Variants in AHSG observed in about 807,000 individuals in gnomAD.
AHSG encodes the protein alpha 2-HS glycoprotein.
AHSG carries 23 observed loss-of-function variants against 30.1 expected under a neutral mutation model. The ratio of observed to expected loss-of-function variants is 0.76; its 90% confidence interval spans 0.55 to 1.08. The LOEUF (loss-of-function observed/expected upper bound fraction) is 1.08. Ranked by LOEUF, AHSG falls within the 50% of genes least tolerant of loss-of-function variation. The pLI, the probability that AHSG is intolerant of heterozygous loss-of-function variation, is 0.00. For synonymous variants in AHSG, 164 were observed against 186.3 expected, an observed-to-expected ratio of 0.88 and a Z score of 0.98; for missense variants, 469 against 459.5, an observed-to-expected ratio of 1.02 and a Z score of -0.19.
chr3:186,618,284 C>T (rs1485161751), intron 4 of AHSG, among the ~76,000 whole-genome samples: 1 of 152,158 alleles, frequency 6.6e-6, no homozygotes, highest in Non-Finnish European at 1.5e-5. Context: ...TCACCTCCAC[C>T]CTGAAGGACC....
At chr3:186,614,672 T>C (rs1011219095) in intron 1 of AHSG, among the ~76,000 whole-genome samples, 2 of 152,188 alleles carry the variant, frequency 1.3e-5, no homozygotes, top group East Asian at 3.8e-4. Context: ...AGGCAGAGCT[T>C]CAGAGTTGGT....
In AHSG at chr3:186,617,224, C is replaced by T; in HGVS notation, c.447C>T (p.Cys149=). Residue 149 remains cysteine, a synonymous_variant, in exon 4 of 7, where the codon TGC becomes TGT. Transcript: ENST00000411641. ...AEDVRKVCQD[C]PLLAPLNDTR... ...ACGTGCGCAAGGTGTGCCAAGACTG[C>T]CCCCTGCTGGCCCCGCTGAACGACA... is the stretch of plus-strand genomic sequence containing the variant. 1.9e-6 allele frequency: 3 copies of T among 1,613,830 alleles called. No homozygotes were observed. The highest frequency in any genetic ancestry group is 2.5e-6 in the Non-Finnish European group (3 of 1,179,972).
At position 186,621,268 on chromosome 3, in the gene AHSG, T is replaced by C. The variant is rs546037063; in HGVS notation, c.*338T>C. 10 of 259,572 alleles carry C rather than the reference T, an allele frequency of 3.9e-5. No homozygotes were observed. The highest frequency in any genetic ancestry group is 2.2e-4 in the African/African-American group (10 of 46,308). The allele number at this position is 259,572 out of a possible 1,614,324, so 16.1% of individuals were successfully genotyped here. ...TCTTGCTAAGCTTATATGTGCCTGT[T>C]AATGAAAGTGCCTGAAAGACCTTCC... is the stretch of plus-strand genomic sequence containing the variant. On this transcript the variant is annotated 3_prime_UTR_variant, in exon 7 of 7. Coordinates refer to ENST00000411641, the MANE Select transcript of AHSG (RefSeq NM_001622.4).
chr3:186,616,199 AAAT>A (rs776506242), intron 2 of AHSG, among the ~76,000 whole-genome samples: 5 of 152,248 alleles, frequency 3.3e-5, no homozygotes, highest in Non-Finnish European at 4.4e-5. Context: ...CTCTATCTCG[AAAT>A]AATAATAATA....
At position 186,616,828 on chromosome 3, in the gene AHSG, G is replaced by A. The variant is rs976262341; in HGVS notation, c.409+301G>A. ...TCTACTAAAAATACAAAAATGTGGT[G>A]GTGCTCGCCTGTAATCCCAGCTACT... On this transcript the variant is annotated intron_variant, in intron 3 of 6. Coordinates refer to ENST00000411641, the MANE Select transcript of AHSG (RefSeq NM_001622.4). Among the ~76,000 whole-genome samples, 3 of 152,130 alleles carry A rather than the reference G, an allele frequency of 2.0e-5. No individual in the cohort carries two copies. The South Asian group carries it at 6.2e-4, about 32-fold the overall frequency.
chr3:186,619,516 T>C (rs536950338), intron 5 of AHSG, among the ~76,000 whole-genome samples: 1 of 152,238 alleles, frequency 6.6e-6, no homozygotes, highest in African/African-American at 2.4e-5. Context: ...AAAATGCTAT[T>C]ATGGCAAGTG....
rs1012187499 is a variant in AHSG at position 186,620,522 on chromosome 3, C to A, written c.760-64C>A. ...AAATTGGGTGCCAGTGCCACCTGGG[C>A]CTGTGGGTTGTCTTGCCTGGGAGGA... is the stretch of plus-strand genomic sequence containing the variant. On this transcript the variant is annotated intron_variant, in intron 6 of 6. Transcript: ENST00000411641. 4 of 1,419,846 alleles carry A rather than the reference C, an allele frequency of 2.8e-6. No individual in the cohort carries two copies. In the African/African-American group the frequency reaches 5.7e-5, roughly 20 times the overall value. The allele number at this position is 1,419,846 out of a possible 1,614,324, so 88.0% of individuals were successfully genotyped here.
intron 5 of AHSG, 91 bp from the exon 6 acceptor site, chr3:186,619,766 T>C (rs1716419278): frequency 1.9e-6 from 2 of 1,036,542 alleles, no homozygotes; most frequent in Admixed American, 2.4e-5. Context: ...AAAATGGTTT[T>C]TCAAACTAAT....
chr3:186,613,338 T>C lies in AHSG; in HGVS notation c.197T>C (p.Val66Ala), dbSNP rs1003867227. ...YKHTLNQIDE[V>A]KVWPQQPSGE... Reference sequence around the variant, plus strand: ...CACACCTTGAACCAGATTGATGAAGTAAAGGTGTGGCCTCAGGTAAGTGGA... The same window carrying C: ...CACACCTTGAACCAGATTGATGAAGCAAAGGTGTGGCCTCAGGTAAGTGGA... The change falls in exon 1 of 7, where the codon GTA (valine) becomes GCA (alanine). Residue 66 changes from valine to alanine, a missense_variant. Physicochemically the swap from Val to Ala is moderately conservative, Grantham distance 64. Coordinates refer to ENST00000411641, the MANE Select transcript of AHSG (RefSeq NM_001622.4). 20 of 1,613,352 alleles carry C rather than the reference T, an allele frequency of 1.2e-5. No homozygotes were observed. The highest frequency in any genetic ancestry group is 1.6e-5 in the Non-Finnish European group (19 of 1,179,652).
intron 2 of AHSG, among the ~76,000 whole-genome samples, 181 bp downstream of exon 2, chr3:186,615,976 G>T (rs988261005): frequency 6.6e-6 from 1 of 152,150 alleles, no homozygotes; most frequent in African/African-American, 2.4e-5. Flanking sequence ...CAAGTGGATC[G>T]CCTGAGGTCA....
rs373886640 is a variant in AHSG, at chr3:186,617,245, C to A, written c.468C>A (p.Asn156Lys). The change falls in exon 4 of 7, where the codon AAC (asparagine) becomes AAA (lysine). Residue 156 changes from asparagine to lysine, a missense_variant. Physicochemically the swap from Asn to Lys is moderately conservative, Grantham distance 94. Transcript: ENST00000411641. Reference protein sequence around the residue: ...CQDCPLLAPLNDTRVVHAAKA... With the variant: ...CQDCPLLAPLKDTRVVHAAKA... Reference sequence around the variant, plus strand: ...ACTGCCCCCTGCTGGCCCCGCTGAACGACACCAGGGTGGTGCACGCCGCGA... The same window carrying A: ...ACTGCCCCCTGCTGGCCCCGCTGAAAGACACCAGGGTGGTGCACGCCGCGA... 3.7e-6 allele frequency: 6 copies of A among 1,614,068 alleles called. No homozygotes were observed. In the African/African-American group the frequency reaches 4.0e-5, roughly 11 times the overall value.
In AHSG at chr3:186,616,529, T is replaced by G. The variant is rs1195865548; in HGVS notation, c.409+2T>G. The G allele has an allele frequency of 2.5e-6, 4 of 1,603,870 alleles. No homozygotes were observed. In the Admixed American group the frequency reaches 6.8e-5, roughly 27 times the overall value. Reference sequence around the variant, plus strand: ...ACGCAAAATGTGATTCCAGTCCAGGTACAGATGACTATTCTTATTCTCATT... The same window carrying G: ...ACGCAAAATGTGATTCCAGTCCAGGGACAGATGACTATTCTTATTCTCATT... On this transcript the variant is annotated splice_donor_variant, in intron 3 of 6. Coordinates refer to ENST00000411641, the MANE Select transcript of AHSG (RefSeq NM_001622.4). LOFTEE classifies it high-confidence loss of function.
intron 6 of AHSG, among the ~76,000 whole-genome samples, chr3:186,620,377 A>G (rs1350972959): frequency 6.6e-6 from 1 of 152,176 alleles, no homozygotes; most frequent in Admixed American, 6.5e-5. Flanking sequence ...AGACAATCCT[A>G]GTGAGGCCGG....
chr3:186,616,228 A>T (rs1366174876), intron 2 of AHSG, among the ~76,000 whole-genome samples: 1 of 152,186 alleles, frequency 6.6e-6, no homozygotes, highest in Non-Finnish European at 1.5e-5. Flanking sequence ...CATCATCATA[A>T]ATAAAATTGC....
chr3:186,617,980 CA>C (rs1213571050), intron 4 of AHSG: 1 of 162,114 alleles, frequency 6.2e-6, no homozygotes, highest in Non-Finnish European at 1.4e-5. Context: ...AGAACATCCC[CA>C]CCCCAGACTA....
At position 186,618,568 on chromosome 3, in the gene AHSG, A is replaced by G. The variant is rs1716381447; in HGVS notation, c.606A>G (p.Thr202=). Residue 202 remains threonine (T), a synonymous_variant, in exon 5 of 7, where the codon ACA becomes ACG. Coordinates refer to ENST00000411641, the MANE Select transcript of AHSG (RefSeq NM_001622.4). ...PLPPSTYVEF[T]VSGTDCVAKE... is the part of the protein sequence containing the mutation. ...CACCTTCTACCTATGTGGAGTTTAC[A>G]GTGTCTGGCACTGACTGTGTTGCTA... The G allele has an allele frequency of 6.2e-7, 1 of 1,614,100 alleles. No individual in the cohort carries two copies.
At position 186,620,567 on chromosome 3, in the gene AHSG, G is replaced by T. The variant is rs771599564; in HGVS notation, c.760-19G>T. On this transcript the variant is annotated intron_variant, in intron 6 of 6. Transcript: ENST00000411641. Reference sequence around the variant, plus strand: ...GGAGGAGGAAGCAAACTAACTGAAGGAAATGGTCCTTTTTCCAGCCCGTGA... The same window carrying T: ...GGAGGAGGAAGCAAACTAACTGAAGTAAATGGTCCTTTTTCCAGCCCGTGA... 1 of 1,573,648 alleles carries T rather than the reference G, an allele frequency of 6.4e-7. No individual in the cohort carries two copies. The highest frequency in any genetic ancestry group is 8.7e-7 in the Non-Finnish European group (1 of 1,153,788).
intron 4 of AHSG, chr3:186,617,570 C>A: frequency 1.2e-6 from 1 of 809,206 alleles, no homozygotes; most frequent in Non-Finnish European, 1.9e-6. Flanking sequence ...CCATGCTGAG[C>A]CACTGTAACG....
Position 186,620,637 on chromosome 3 carries a change from C to A in AHSG, c.811C>A (p.Pro271Thr). The change falls in exon 7 of 7, where the codon CCC becomes ACC. Residue 271 changes from proline (P) to threonine (T), a missense_variant. Pro to Thr is a conservative substitution (Grantham distance 38). Coordinates refer to ENST00000411641, the MANE Select transcript of AHSG (RefSeq NM_001622.4). ...AGGTGCCAATGAAGCAGTCCCCACA[C>A]CCGTGGTGGACCCAGATGCACCTCC... The part of the protein sequence containing the change: ...PEGANEAVPT[P>T]VVDPDAPPSP... 1 of 1,613,568 alleles carries A rather than the reference C, an allele frequency of 6.2e-7. No individual in the cohort carries two copies.
Sources: gnomAD v4.1 joint callset for allele counts (sites outside exome capture counted in the v4.1 genomes callset) on GRCh38, gnomAD v4.1.1 for gene constraint, MANE v1.5 for transcripts, NCBI Gene and HGNC (gene_info 2026-07-23, HGNC 2026-07-21) for gene names.